ARHGAP15: variants seen among roughly 807,000 people sequenced by gnomAD.
ARHGAP15 encodes the protein rho GTPase-activating protein 15.
A neutral mutation model predicts 63.7 loss-of-function variants in ARHGAP15; 51 were observed. The ratio of observed to expected loss-of-function variants is 0.80; its 90% CI spans 0.64 to 1.01. The LOEUF (loss-of-function observed/expected upper bound fraction) is 1.01. Among genes scored for constraint, ARHGAP15 ranks in the 50% least tolerant of loss-of-function variants. ARHGAP15 has a pLI of 0.00. For missense variants in ARHGAP15, 560 were observed against 564.6 expected (o/e 0.99, Z 0.08); for synonymous variants, 191 against 193.8 (o/e 0.99, Z 0.12).
chr2:143,587,054 G>A (rs1271520916), intron 11 of ARHGAP15, among the ~76,000 whole-genome samples: 2 of 151,990 alleles, frequency 1.3e-5, no homozygotes, highest in African/African-American at 4.8e-5. Context: ...CTGAGGAATG[G>A]ACAATAAAAT....
chr2:143,635,395 T>C (rs1327593351), intron 12 of ARHGAP15, among the ~76,000 whole-genome samples: 1 of 151,934 alleles, frequency 6.6e-6, no homozygotes, highest in African/African-American at 2.4e-5. Flanking sequence ...GAATGGATCC[T>C]TTACCCAGTA....
chr2:143,414,576 T>G (rs1688599344), intron 6 of ARHGAP15, among the ~76,000 whole-genome samples: 1 of 152,160 alleles, frequency 6.6e-6, no homozygotes, highest in Admixed American at 6.5e-5. Flanking sequence ...TTTTTATAGA[T>G]GCATATTACC....
At chr2:143,312,507 AG>A (rs1683496772) in intron 6 of ARHGAP15, among the ~76,000 whole-genome samples, 1 of 152,176 alleles carries the variant, frequency 6.6e-6, no homozygotes, top group Admixed American at 6.6e-5. Context: ...TCAAAAATGT[AG>A]AAGTTATTTT....
chr2:143,169,240 G>A (rs1416892303), intron 2 of ARHGAP15, among the ~76,000 whole-genome samples: 1 of 152,064 alleles, frequency 6.6e-6, no homozygotes, highest in Non-Finnish European at 1.5e-5. Flanking sequence ...GGTTCCCCAA[G>A]AAGCAGGCAA....
At chr2:143,606,066 AAAAAG>A (rs1266577204) in intron 11 of ARHGAP15, among the ~76,000 whole-genome samples, 843 of 46,712 alleles carry the variant, frequency 0.018, 148 homozygotes, top group Non-Finnish European at 0.04. Context: ...AAAAAAAAAA[AAAAAG>A]CCATACATCT....
intron 5 of ARHGAP15, among the ~76,000 whole-genome samples, chr2:143,233,419 C>A (rs1218254814): frequency 3.3e-5 from 5 of 151,918 alleles, no homozygotes; most frequent in Non-Finnish European, 4.4e-5. Context: ...TCAAAAATAT[C>A]ATTACACTGT....
chr2:143,465,788 TAGCATC>T (rs1189988093), intron 8 of ARHGAP15, among the ~76,000 whole-genome samples: 1 of 152,150 alleles, frequency 6.6e-6, no homozygotes, highest in Non-Finnish European at 1.5e-5. Flanking sequence ...TCTGTTATAT[TAGCATC>T]AGTGACTTTC....
At chr2:143,203,830 A>C (rs1410998329) in intron 3 of ARHGAP15, among the ~76,000 whole-genome samples, 1 of 152,028 alleles carries the variant, frequency 6.6e-6, no homozygotes, top group Non-Finnish European at 1.5e-5. Context: ...AGACCATGTA[A>C]CACTAGCCAG....
chr2:143,182,555 C>T (rs142953388), intron 2 of ARHGAP15, among the ~76,000 whole-genome samples: 2 of 152,290 alleles, frequency 1.3e-5, no homozygotes, highest in East Asian at 3.9e-4. Context: ...ATTGCAGGAT[C>T]AACTTTGCTC....
chr2:143,346,766 CA>C (rs975777201), intron 6 of ARHGAP15, among the ~76,000 whole-genome samples: 28 of 151,996 alleles, frequency 1.8e-4, no homozygotes, highest in African/African-American at 6.5e-4. Flanking sequence ...AATTGGTATT[CA>C]TTTTTTTGAT....
chr2:143,605,423 C>T (rs892318659), intron 11 of ARHGAP15, among the ~76,000 whole-genome samples: 4 of 152,024 alleles, frequency 2.6e-5, no homozygotes, highest in Non-Finnish European at 5.9e-5. Context: ...GCACCTTAAA[C>T]TATATATCCA....
intron 6 of ARHGAP15, among the ~76,000 whole-genome samples, chr2:143,344,634 A>G (rs1685191828): frequency 6.6e-6 from 1 of 152,154 alleles, no homozygotes; most frequent in Admixed American, 6.6e-5. Context: ...AGGTTAGTAA[A>G]TTCTGACCAT....
intron 6 of ARHGAP15, among the ~76,000 whole-genome samples, chr2:143,308,120 T>C (rs1020168827): frequency 1.3e-5 from 2 of 152,096 alleles, no homozygotes; most frequent in Non-Finnish European, 2.9e-5. Context: ...AGGTCTTTGG[T>C]ATAGCTGTGA....
intron 11 of ARHGAP15, among the ~76,000 whole-genome samples, chr2:143,591,940 C>T (rs74270559): frequency 1.6e-4 from 1 of 6,100 alleles, no homozygotes; most frequent in South Asian, 7.2e-3. Context: ...TTTTATAACT[C>T]TATTTTGAGA....
At chr2:143,129,858 G>T (rs1688853100) in intron 1 of ARHGAP15, among the ~76,000 whole-genome samples, 1 of 151,924 alleles carries the variant, frequency 6.6e-6, no homozygotes, top group Admixed American at 6.6e-5. Flanking sequence ...AAGAGAAAAG[G>T]GTATAACAAT....
intron 6 of ARHGAP15, among the ~76,000 whole-genome samples, chr2:143,422,713 T>C (rs544680636): frequency 6.6e-6 from 1 of 152,026 alleles, no homozygotes; most frequent in Non-Finnish European, 1.5e-5. Flanking sequence ...GTGAGGCAGA[T>C]GGAAGGTGGA....
Position 143,440,534 on chromosome 2 carries a change from T to C in ARHGAP15, c.703+3492T>C, listed in dbSNP as rs143052131. On this transcript the variant is annotated intron_variant, in intron 8 of 13. Transcript: ENST00000295095. ...GCCAGAATTACTTTTTTAAAAGGCA[T>C]GTGAACATCATTAGCAGCTAACAGG... Among the ~76,000 whole-genome samples the C allele has an allele frequency of 2.1e-3, 318 of 152,312 alleles. 3 individuals are homozygous for C. Among genetic ancestry groups the C allele is most frequent in the African/African-American group, 6.8e-3 (282 of 41,576 alleles).
chr2:143,574,328 A>G (rs1696583021), intron 11 of ARHGAP15, among the ~76,000 whole-genome samples: 1 of 152,142 alleles, frequency 6.6e-6, no homozygotes, highest in Admixed American at 6.6e-5. Context: ...TCCTTATTGT[A>G]GAAAGAGCCT....
intron 1 of ARHGAP15, among the ~76,000 whole-genome samples, chr2:143,151,269 A>AG (rs1232469687): frequency 1.3e-5 from 2 of 152,002 alleles, no homozygotes; most frequent in Admixed American, 1.3e-4. Context: ...TATTTCATAA[A>AG]GGCTAAAAAA....
Sources: gnomAD v4.1 joint callset for allele counts (sites outside exome capture counted in the v4.1 genomes callset) on GRCh38, gnomAD v4.1.1 for gene constraint, MANE v1.5 for transcripts, NCBI Gene and HGNC (gene_info 2026-07-23, HGNC 2026-07-21) for gene names.